EPB41L2: variants seen among roughly 807,000 people sequenced by gnomAD.
EPB41L2 encodes the protein band 4.1-like protein 2.
Under a neutral mutation model 113.0 loss-of-function variants are expected in EPB41L2, and 43 were observed. The ratio of observed to expected loss-of-function variants is 0.38; its 90% CI spans 0.30 to 0.49. The LOEUF (loss-of-function observed/expected upper bound fraction) is 0.49, where lower values mean the gene tolerates loss of function less well. Ranked by LOEUF, EPB41L2 falls within the 20% of genes least tolerant of loss-of-function variation. The pLI, the probability that EPB41L2 is intolerant of heterozygous loss-of-function variation, is 0.95. For synonymous variants in EPB41L2, 442 were observed against 436.7 expected (o/e 1.01, Z -0.15); for missense variants, 1,147 against 1,223.4 (o/e 0.94, Z 0.93).
At chr6:130,857,458 C>T (rs1780607545) in intron 19 of EPB41L2, among the ~76,000 whole-genome samples, 1 of 150,490 alleles carries the variant, frequency 6.6e-6, no homozygotes, top group Admixed American at 6.6e-5. Context: ...TAATCCTTTG[C>T]TTTTGTTTCT....
At chr6:130,892,188 GAGGTGAGGAATAC>G (rs1793108494) in intron 10 of EPB41L2, among the ~76,000 whole-genome samples, 1 of 152,072 alleles carries the variant, frequency 6.6e-6, no homozygotes, top group Non-Finnish European at 1.5e-5. Context: ...GGACAGCACA[GAGGTGAGGAATAC>G]AGGTGTCAGA....
chr6:130,849,712 T>C (rs1242212317), intron 19 of EPB41L2, among the ~76,000 whole-genome samples: 1 of 152,200 alleles, frequency 6.6e-6, no homozygotes, highest in Non-Finnish European at 1.5e-5. Context: ...TATGTATGCA[T>C]GTATTCCAAC....
chr6:130,995,571 A>T (rs1421590554), intron 1 of EPB41L2, among the ~76,000 whole-genome samples: 1 of 152,172 alleles, frequency 6.6e-6, no homozygotes, highest in Non-Finnish European at 1.5e-5. Flanking sequence ...TGTCTTCAGG[A>T]CCTCCTGGGG....
intron 5 of EPB41L2, among the ~76,000 whole-genome samples, chr6:130,906,851 G>A (rs1797884293): frequency 6.6e-6 from 1 of 152,134 alleles, no homozygotes; most frequent in African/African-American, 2.4e-5. Flanking sequence ...TCCTCAGCCT[G>A]CTTTCATGAT....
chr6:130,999,181 T>C, intron 1 of EPB41L2, among the ~76,000 whole-genome samples: 1 of 152,064 alleles, frequency 6.6e-6, no homozygotes, highest in Non-Finnish European at 1.5e-5. Flanking sequence ...CCAGATCCCC[T>C]AGTGTCCCCT....
chr6:130,920,067 T>A (rs1029924304), intron 4 of EPB41L2, among the ~76,000 whole-genome samples: 1 of 152,196 alleles, frequency 6.6e-6, no homozygotes, highest in South Asian at 2.1e-4. Flanking sequence ...ATCCTCTTCA[T>A]GACTTTCATC....
chr6:130,945,596 G>A (rs1812530760), intron 3 of EPB41L2, among the ~76,000 whole-genome samples: 1 of 152,116 alleles, frequency 6.6e-6, no homozygotes, highest in South Asian at 2.1e-4. Context: ...AGTCTTGCAG[G>A]AACTTTCACA....
chr6:130,889,049 T>TACTCCA (rs1262489187), intron 11 of EPB41L2, among the ~76,000 whole-genome samples: 1 of 152,150 alleles, frequency 6.6e-6, no homozygotes, highest in Non-Finnish European at 1.5e-5. Flanking sequence ...TGATCTGTTT[T>TACTCCA]ACTCCAATTA....
intron 1 of EPB41L2, among the ~76,000 whole-genome samples, chr6:131,004,157 T>G (rs1053090369): frequency 2.6e-5 from 4 of 152,152 alleles, no homozygotes; most frequent in Non-Finnish European, 4.4e-5. Context: ...CATGATAGGT[T>G]GTATTCCAAA....
intron 6 of EPB41L2, among the ~76,000 whole-genome samples, chr6:130,903,895 C>T (rs1448855637): frequency 1.3e-5 from 2 of 152,166 alleles, no homozygotes; most frequent in Non-Finnish European, 2.9e-5. Context: ...TATTCTCTTG[C>T]TCCTAAACAG....
rs142244841 is a variant in EPB41L2, at chr6:130,883,829, G to A, written c.1833+1267C>T. Among the ~76,000 whole-genome samples, 14 of 152,168 alleles carry A rather than the reference G, an allele frequency of 9.2e-5. No individual in the cohort carries two copies. The East Asian group carries it at 2.5e-3, about 27-fold the overall frequency. ...ATATGACAGTCACAAATTCTTTAAC[G>A]ATGGAATGTCGATGATTTGATGTCA... On this transcript the variant is annotated intron_variant, in intron 12 of 19. Transcript: ENST00000337057.
At chr6:130,848,205 A>T (rs62422329) in intron 19 of EPB41L2, among the ~76,000 whole-genome samples, 1,988 of 70,958 alleles carry the variant, frequency 0.028, 30 homozygotes, top group African/African-American at 0.1. Context: ...TCTCTCACAC[A>T]CACACACACA....
intron 1 of EPB41L2, among the ~76,000 whole-genome samples, chr6:130,985,114 T>C (rs1780228833): frequency 6.6e-6 from 1 of 152,218 alleles, no homozygotes; most frequent in African/African-American, 2.4e-5. Flanking sequence ...CCAGGACTGC[T>C]GGTCCTGAAT....
At chr6:131,011,063 T>G (rs777637988) in intron 1 of EPB41L2, among the ~76,000 whole-genome samples, 1 of 152,250 alleles carries the variant, frequency 6.6e-6, no homozygotes, top group Non-Finnish European at 1.5e-5. Context: ...TTGCTTCTTT[T>G]TCTCCTCTAC....
chr6:130,892,775 GA>G (rs1267417788), intron 10 of EPB41L2, among the ~76,000 whole-genome samples: 1 of 152,148 alleles, frequency 6.6e-6, no homozygotes, highest in African/African-American at 2.4e-5. Context: ...TAAATTTTAT[GA>G]TATGCCAGAA....
intron 1 of EPB41L2, among the ~76,000 whole-genome samples, chr6:131,003,464 CCAAT>C (rs1235597634): frequency 1.3e-5 from 2 of 152,292 alleles, no homozygotes; most frequent in South Asian, 2.1e-4. Context: ...AAATACACTG[CCAAT>C]CAGAGTTGTC....
chr6:130,859,981 A>C (rs1239389504), intron 18 of EPB41L2, among the ~76,000 whole-genome samples: 1 of 152,146 alleles, frequency 6.6e-6, no homozygotes, highest in Non-Finnish European at 1.5e-5. Flanking sequence ...CAGGAGTGGG[A>C]GCAGGTATCT....
chr6:130,850,816 G>A (rs1033417778), intron 19 of EPB41L2, among the ~76,000 whole-genome samples: 5 of 152,196 alleles, frequency 3.3e-5, no homozygotes, highest in African/African-American at 4.8e-5. Context: ...CTTAATGTAC[G>A]CATTAGAGCA....
intron 19 of EPB41L2, among the ~76,000 whole-genome samples, chr6:130,852,829 T>A (rs1779155323): frequency 6.6e-6 from 1 of 152,164 alleles, no homozygotes; most frequent in South Asian, 2.1e-4. Flanking sequence ...ACAATCCAGC[T>A]ACATCTGATT....
Sources: gnomAD v4.1 joint callset for allele counts (sites outside exome capture counted in the v4.1 genomes callset) on GRCh38, gnomAD v4.1.1 for gene constraint, MANE v1.5 for transcripts, NCBI Gene and HGNC (gene_info 2026-07-23, HGNC 2026-07-21) for gene names.